The following IFT122 variants were observed in gnomAD, a reference collection of about 807,000 sequenced individuals.
IFT122 encodes intraflagellar transport protein 122 homolog.
In IFT122, 118 loss-of-function variants were observed where a neutral mutation model predicts 161.6. The observed-to-expected ratio is 0.73, with a 90% CI of 0.63 to 0.85. IFT122 has a LOEUF of 0.85. Ranked by LOEUF, IFT122 falls within the 40% of genes least tolerant of loss-of-function variation. The pLI, the probability that IFT122 is intolerant of heterozygous loss-of-function variation, is 0.00. For synonymous variants in IFT122, 550 were observed against 602.4 expected (o/e 0.91, Z 1.27); for missense variants, 1,381 against 1,579.6 (o/e 0.87, Z 2.13).
chr3:129,459,189 C>A, intron 4 of IFT122: 1 of 410,270 alleles, frequency 2.4e-6, no homozygotes, highest in South Asian at 1.8e-5. Flanking sequence ...TCTTTCGAGG[C>A]ATTTCTCACA....
intron 7 of IFT122, 59 bp from the exon 8 acceptor site, chr3:129,466,831 T>G: frequency 6.5e-7 from 1 of 1,533,378 alleles, no homozygotes; most frequent in African/African-American, 1.4e-5. Flanking sequence ...GGATTTTAAA[T>G]TATAGTTTTA....
At chr3:129,516,502 ATG>A (rs2083681448) in intron 26 of IFT122, among the ~76,000 whole-genome samples, 5 of 136,232 alleles carry the variant, frequency 3.7e-5, no homozygotes, top group Admixed American at 7.2e-5. Flanking sequence ...GCACACACAC[ATG>A]GAGACTGCCC....
chr3:129,449,922 C>T lies in IFT122; in HGVS notation c.93C>T (p.Ala31=), dbSNP rs374303835. ...ATGGAACTCAACTGATTTTGGCTGC[C>T]GGAAGCAGATTACTGGTAGGATTTT... is the stretch of plus-strand genomic sequence containing the variant. ...KPDGTQLILA[A]GSRLLVYDTS... is the part of the protein sequence containing the mutation. The change falls in exon 2 of 30, where the codon GCC becomes GCT. Residue 31 remains alanine, a synonymous_variant. Coordinates refer to ENST00000348417, the MANE Select transcript of IFT122 (RefSeq NM_052989.3). The T allele has an allele frequency of 6.6e-5, 106 of 1,611,100 alleles. No individual in the cohort carries two copies. Among genetic ancestry groups the T allele is most frequent in the African/African-American group, 1.1e-4 (8 of 74,750 alleles).
chr3:129,506,628 T>C, intron 22 of IFT122, 79 bp downstream of exon 22: 2 of 1,588,610 alleles, frequency 1.3e-6, no homozygotes, highest in Non-Finnish European at 1.7e-6. Context: ...AGCTGGGACA[T>C]TTTAATTAAA....
intron 27 of IFT122, among the ~76,000 whole-genome samples, chr3:129,518,350 G>C (rs747527267): frequency 6.6e-6 from 1 of 152,238 alleles, no homozygotes. Context: ...GGGGCTTCTG[G>C]CAGGGAACAG....
At chr3:129,519,791 A>C in intron 29 of IFT122, 59 bp downstream of exon 29, 2 of 1,600,146 alleles carry the variant, frequency 1.2e-6, no homozygotes, top group Non-Finnish European at 1.7e-6. Context: ...CCCTTGCCCA[A>C]ATGTCCCTCT....
At chr3:129,466,755 G>C in intron 7 of IFT122, 135 bp from the exon 8 acceptor site, 1 of 804,932 alleles carries the variant, frequency 1.2e-6, no homozygotes, top group Admixed American at 1.8e-5. Context: ...CACTTGCCTC[G>C]GCCTCCTGAA....
intron 20 of IFT122, 185 bp from the exon 21 acceptor site, chr3:129,504,134 T>G: frequency 1.7e-6 from 1 of 588,158 alleles, no homozygotes; most frequent in Non-Finnish European, 3.1e-6. Context: ...GTTAATTGCC[T>G]TTTGTTTTCG....
chr3:129,515,017 C>G (rs2083310121), intron 25 of IFT122: 1 of 365,618 alleles, frequency 2.7e-6, no homozygotes, highest in Non-Finnish European at 5.2e-6. Context: ...CCCTCAAGCT[C>G]AGAGCAAGGA....
At chr3:129,486,438 CATAAA>C (rs1369611277) in intron 15 of IFT122, among the ~76,000 whole-genome samples, 2 of 152,204 alleles carry the variant, frequency 1.3e-5, no homozygotes, top group African/African-American at 4.8e-5. Context: ...ATTACTGACT[CATAAA>C]ATAGCAAAAA....
chr3:129,459,684 TCTTC>T (rs546625729), intron 4 of IFT122, among the ~76,000 whole-genome samples: 16,384 of 39,568 alleles, frequency 0.41, 4,202 homozygotes, highest in Non-Finnish European at 0.51. Flanking sequence ...CTCCCTCCCT[TCTTC>T]CTTCCTTCCT....
rs570209046 is a variant in IFT122, at chr3:129,490,972, G to C, written c.1993-1169G>C. 8.5e-5 allele frequency among the ~76,000 whole-genome samples: 13 copies of C among 152,316 alleles called. No individual in the cohort carries two copies. In the East Asian group the frequency reaches 9.6e-4, roughly 11 times the overall value. Reference sequence around the variant, plus strand: ...CCATTCATCCGTGTTCTCCAGGCATGTGGTTCGTAGTTGGAGAGCTCTTAG... The same window carrying C: ...CCATTCATCCGTGTTCTCCAGGCATCTGGTTCGTAGTTGGAGAGCTCTTAG... On this transcript the variant is annotated intron_variant, in intron 16 of 29. Coordinates refer to ENST00000348417, the MANE Select transcript of IFT122 (RefSeq NM_052989.3).
rs1439294548 is a variant in IFT122 at position 129,504,377 on chromosome 3, C to T, written c.2606C>T (p.Ala869Val). 1.2e-6 allele frequency: 2 copies of T among 1,613,984 alleles called. No individual in the cohort carries two copies. The highest frequency in any genetic ancestry group is 1.7e-6 in the Non-Finnish European group (2 of 1,179,988). ...AAGGATGACATCTACATGCCGTATGCTCAGTGGCTAGCAGAGAACGATCGC... is the reference window on the plus strand; with the variant it reads ...AAGGATGACATCTACATGCCGTATGTTCAGTGGCTAGCAGAGAACGATCGC... ...EFKDDIYMPY[A>V]QWLAENDRFE... The change falls in exon 21 of 30, where the codon GCT becomes GTT. Residue 869 changes from alanine to valine, a missense_variant. By Grantham distance (64) the Ala-to-Val change is moderately conservative (BLOSUM62 0). Transcript: ENST00000348417.
At chr3:129,515,652 C>T in intron 26 of IFT122, 53 bp downstream of exon 26, 2 of 1,459,352 alleles carry the variant, frequency 1.4e-6, no homozygotes, top group Admixed American at 1.7e-5. Flanking sequence ...GACAGCCAGG[C>T]TCACTCCACT....
intron 3 of IFT122, among the ~76,000 whole-genome samples, chr3:129,453,283 C>A (rs1282575521): frequency 1.3e-5 from 2 of 151,892 alleles, no homozygotes; most frequent in African/African-American, 4.8e-5. Context: ...ATTCTCAATT[C>A]CATTTTTTTT....
rs528987894 is a variant in IFT122, at chr3:129,499,622, G to A, written c.2209-280G>A. On this transcript the variant is annotated intron_variant, in intron 18 of 29. Transcript: ENST00000348417. The stretch of plus-strand genomic sequence containing the variant: ...ATAGTCTAGAAAGTGTTGTTTAGCC[G>A]ATGAACAAATGCCCATTTGTGAGAC... Among the ~76,000 whole-genome samples the A allele has an allele frequency of 7.9e-5, 12 of 152,322 alleles. No homozygotes were observed. The East Asian group carries it at 1.2e-3, about 15-fold the overall frequency.
chr3:129,506,590 A>C, intron 22 of IFT122, 41 bp downstream of exon 22: 2 of 1,613,534 alleles, frequency 1.2e-6, no homozygotes, highest in Middle Eastern at 1.7e-4. Context: ...CCCAAGCCCC[A>C]CTCTGACACC....
intron 9 of IFT122, 60 bp from the exon 10 acceptor site, chr3:129,476,255 A>C: frequency 1.8e-5 from 28 of 1,553,330 alleles, no homozygotes; most frequent in Non-Finnish European, 2.4e-5. Context: ...CCTTAATTGT[A>C]TTGCAATGGT....
Position 129,450,011 on chromosome 3 carries a change from CTT to C in IFT122, c.108+88_108+89del, listed in dbSNP as rs79918649. 74,464 of 755,852 alleles carry C rather than the reference CTT, an allele frequency of 0.099. 1,013 individuals carry two copies. Among genetic ancestry groups the C allele is most frequent in the Middle Eastern group, 0.15 (568 of 3,822 alleles). 46.8% of individuals were successfully genotyped at this position (755,852 alleles called of 1,614,324 possible). On this transcript the variant is annotated intron_variant, in intron 2 of 29. Coordinates refer to ENST00000348417, the MANE Select transcript of IFT122 (RefSeq NM_052989.3). Reference sequence around the variant, plus strand: ...CTTGTGAGTACTCTGAAATTTGACCCTTTTTTTTTTTTTTTGAGATTAAAAAG... The same window carrying C: ...CTTGTGAGTACTCTGAAATTTGACCCTTTTTTTTTTTTTGAGATTAAAAAG...
Sources: gnomAD v4.1 joint callset for allele counts (sites outside exome capture counted in the v4.1 genomes callset) on GRCh38, gnomAD v4.1.1 for gene constraint, MANE v1.5 for transcripts, NCBI Gene and HGNC (gene_info 2026-07-23, HGNC 2026-07-21) for gene names.